The following CNOT7 variants were observed in gnomAD, a reference collection of about 807,000 sequenced individuals.
CNOT7 encodes the protein BTG1-binding factor 1.
CNOT7 carries 4 observed loss-of-function variants against 37.1 expected under a neutral mutation model. That is an observed-to-expected ratio of 0.11 (90% CI 0.05 to 0.25). The LOEUF (loss-of-function observed/expected upper bound fraction) is 0.25, where lower values mean the gene tolerates loss of function less well. Among genes scored for constraint, CNOT7 ranks in the 10% least tolerant of loss-of-function variants. The pLI, the probability that CNOT7 is intolerant of heterozygous loss-of-function variation, is 1.00. For synonymous variants in CNOT7, 128 were observed against 115.6 expected (o/e 1.11, Z -0.69); for missense variants, 170 against 336.2 (o/e 0.51, Z 3.87).
At chr8:17,244,606 AAATG>A (rs1479939123) in intron 2 of CNOT7, 1 of 154,116 alleles carries the variant, frequency 6.5e-6, no homozygotes, top group Non-Finnish European at 1.4e-5. Context: ...CATCCTGGCT[AAATG>A]AATGACTGTT....
At position 17,245,221 on chromosome 8, in the gene CNOT7, A is replaced by T; in HGVS notation, c.-69T>A. Reference sequence around the variant, plus strand: ...ATACTTGATTGAAGATTTGTTTCATAAAATATTTTATCCTTTATTTATGTA... The same window carrying T: ...ATACTTGATTGAAGATTTGTTTCATTAAATATTTTATCCTTTATTTATGTA... On this transcript the variant is annotated 5_prime_UTR_variant, in exon 2 of 7. Transcript: ENST00000361272. The T allele has an allele frequency of 1.4e-6, 2 of 1,479,212 alleles. No individual in the cohort carries two copies. The highest frequency in any genetic ancestry group is 1.8e-6 in the Non-Finnish European group (2 of 1,106,792). 91.6% of individuals were successfully genotyped at this position (1,479,212 alleles called of 1,614,324 possible).
chr8:17,240,777 G>A (rs1810054706), intron 3 of CNOT7, among the ~76,000 whole-genome samples: 1 of 152,176 alleles, frequency 6.6e-6, no homozygotes, highest in Admixed American at 6.5e-5. Flanking sequence ...AAAAGGATAG[G>A]AGGCAATTTT....
chr8:17,236,578 A>G lies in CNOT7; in HGVS notation c.473+634T>C, dbSNP rs377185947. On this transcript the variant is annotated intron_variant, in intron 4 of 6. Transcript: ENST00000361272. Reference sequence around the variant, plus strand: ...GACCATTAAAACAAGTCTTCAAGCTATTTCTTCTAAGGGATGCCTTATCAC... The same window carrying G: ...GACCATTAAAACAAGTCTTCAAGCTGTTTCTTCTAAGGGATGCCTTATCAC... Among the ~76,000 whole-genome samples the G allele has an allele frequency of 7.2e-5, 11 of 152,134 alleles. 1 individual carries two copies. Among genetic ancestry groups the G allele is most frequent in the Admixed American group, 3.9e-4 (6 of 15,270 alleles).
chr8:17,232,743 G>C (rs1808799129), intron 5 of CNOT7, among the ~76,000 whole-genome samples: 2 of 152,054 alleles, frequency 1.3e-5, no homozygotes, highest in South Asian at 4.1e-4. Flanking sequence ...TAGAAAACAA[G>C]ATCCTAATTG....
rs73669040 is a variant in CNOT7, at chr8:17,228,234, C to G, written c.*2486G>C. On this transcript the variant is annotated 3_prime_UTR_variant, in exon 7 of 7. Transcript: ENST00000361272. ...GGGCCATAGTTTGACAACCCTTGCTCTAGTAGATTTAACAGAATATATGAG... is the reference window on the plus strand; with the variant it reads ...GGGCCATAGTTTGACAACCCTTGCTGTAGTAGATTTAACAGAATATATGAG... 89 of 151,966 alleles carry G rather than the reference C, an allele frequency of 5.9e-4. No homozygotes were observed. Among genetic ancestry groups the G allele is most frequent in the African/African-American group, 2.0e-3 (84 of 41,514 alleles). The allele number at this position is 151,966 out of a possible 1,614,324, so 9.4% of individuals were successfully genotyped here.
intron 3 of CNOT7, chr8:17,241,697 T>C (rs1201446567): frequency 6.6e-6 from 1 of 152,174 alleles, no homozygotes; most frequent in African/African-American, 2.4e-5. Context: ...CTCAACGTTA[T>C]CAATAAGTTC....
chr8:17,230,933 T>C (rs1808519468), intron 6 of CNOT7, 85 bp from the exon 7 acceptor site: 1 of 967,360 alleles, frequency 1.0e-6, no homozygotes, highest in African/African-American at 1.7e-5. Context: ...ATGTAAGTAC[T>C]GACTGTTCAC....
At chr8:17,242,908 T>A (rs193198747) in intron 3 of CNOT7, 84 bp downstream of exon 3, 4 of 851,284 alleles carry the variant, frequency 4.7e-6, no homozygotes, top group African/African-American at 1.8e-5. Context: ...TCACCTAGCA[T>A]GTCACCATAC....
At chr8:17,245,769 C>T (rs1233300488) in intron 1 of CNOT7, 1 of 152,066 alleles carries the variant, frequency 6.6e-6, no homozygotes, top group Non-Finnish European at 1.5e-5. Flanking sequence ...AAAGTAACGG[C>T]CATGAAAATT....
chr8:17,229,909 A>T lies in CNOT7; in HGVS notation c.*811T>A, dbSNP rs780832280. 6 of 152,316 alleles carry T rather than the reference A, an allele frequency of 3.9e-5. No homozygotes were observed. Among genetic ancestry groups the T allele is most frequent in the Non-Finnish European group, 7.4e-5 (5 of 67,870 alleles). The allele number at this position is 152,316 out of a possible 1,614,324, so 9.4% of individuals were successfully genotyped here. A position where few individuals can be genotyped will look rare whatever the true frequency, so the allele number is the denominator to read the frequency against. On this transcript the variant is annotated 3_prime_UTR_variant, in exon 7 of 7. Transcript: ENST00000361272. ...ATCAAGGGAAGTGTGCTATCATAAA[A>T]TAACTGTAGCTTCAACATCTTGAGT...
intron 5 of CNOT7, 83 bp from the exon 6 acceptor site, chr8:17,232,620 A>G: frequency 8.5e-7 from 1 of 1,176,272 alleles, no homozygotes; most frequent in Non-Finnish European, 1.2e-6. Context: ...GACGCTGACC[A>G]AAATAAAAAT....
In CNOT7 at chr8:17,246,806, G is replaced by A. The variant is rs1048074368; in HGVS notation, c.-227C>T. On this transcript the variant is annotated 5_prime_UTR_variant, in exon 1 of 7. Transcript: ENST00000361272. ...ATAGACACCTCTCGCCCAGCGAAGG[G>A]AAAGGCGAGCAGGAGCTGCGCCGCA... 3.8e-5 allele frequency: 8 copies of A among 208,484 alleles called. No homozygotes were observed. Among genetic ancestry groups the A allele is most frequent in the Non-Finnish European group, 5.9e-5 (6 of 101,368 alleles). 12.9% of individuals were successfully genotyped at this position (208,484 alleles called of 1,614,324 possible).
At chr8:17,237,739 C>T (rs1585811690) in intron 3 of CNOT7, 2 of 197,244 alleles carry the variant, frequency 1.0e-5, no homozygotes, top group Non-Finnish European at 2.1e-5. Context: ...CTCTCAGTCT[C>T]AGCAGCCACT....
intron 3 of CNOT7, chr8:17,241,438 G>A (rs1306944388): frequency 1.3e-5 from 2 of 152,030 alleles, no homozygotes; most frequent in African/African-American, 4.8e-5. Context: ...GTAATTACAA[G>A]CCACACTACT....
chr8:17,232,283 T>C, intron 6 of CNOT7, 144 bp downstream of exon 6: 1 of 1,504,746 alleles, frequency 6.6e-7, no homozygotes, highest in Non-Finnish European at 8.8e-7. Context: ...TGAATACTTT[T>C]AAGTGTGGTG....
chr8:17,228,036 T>C lies in CNOT7; in HGVS notation c.*2684A>G, dbSNP rs886379665. ...ATAGCAAAAAAGTATCCATAGATAA[T>C]ATGTAAATTAGTGTGGCTGCATTCC... On this transcript the variant is annotated 3_prime_UTR_variant, in exon 7 of 7. Transcript: ENST00000361272. The C allele has an allele frequency of 2.0e-5, 3 of 151,950 alleles. No individual in the cohort carries two copies. The highest frequency in any genetic ancestry group is 2.0e-4 in the Admixed American group (3 of 15,236). The allele number at this position is 151,950 out of a possible 1,614,324, so 9.4% of individuals were successfully genotyped here. A position where few individuals can be genotyped will look rare whatever the true frequency, so the allele number is the denominator to read the frequency against.
In CNOT7 at chr8:17,228,447, C is replaced by T. The variant is rs1808303319; in HGVS notation, c.*2273G>A. 6.6e-6 allele frequency: 1 copy of T among 151,932 alleles called. No homozygotes were observed. Among genetic ancestry groups the T allele is most frequent in the African/African-American group, 2.4e-5 (1 of 41,430 alleles). 9.4% of individuals were successfully genotyped at this position (151,932 alleles called of 1,614,324 possible). A position where few individuals can be genotyped will look rare whatever the true frequency, so the allele number is the denominator to read the frequency against. ...GGTTGCTCAACCTACAATGAGGTTA[C>T]ATCTGAAAAAATACTAAGATGCATT... On this transcript the variant is annotated 3_prime_UTR_variant, in exon 7 of 7. Transcript: ENST00000361272.
rs1214632634 is a variant in CNOT7 at position 17,225,009 on chromosome 8, T to A, written c.*5711A>T. 3 of 151,758 alleles carry A rather than the reference T, an allele frequency of 2.0e-5. No individual in the cohort carries two copies. The highest frequency in any genetic ancestry group is 3.0e-5 in the Non-Finnish European group (2 of 67,704). 9.4% of individuals were successfully genotyped at this position (151,758 alleles called of 1,614,324 possible). Reference sequence around the variant, plus strand: ...TTATTATGCATGGGTTTCGCAGTGATACAAGACACCTGCTCACAACTTACA... The same window carrying A: ...TTATTATGCATGGGTTTCGCAGTGAAACAAGACACCTGCTCACAACTTACA... On this transcript the variant is annotated 3_prime_UTR_variant, in exon 7 of 7. Transcript: ENST00000361272.
At position 17,230,569 on chromosome 8, in the gene CNOT7, G is replaced by A. The variant is rs1270202340; in HGVS notation, c.*151C>T. On this transcript the variant is annotated 3_prime_UTR_variant, in exon 7 of 7. Transcript: ENST00000361272. The stretch of plus-strand genomic sequence containing the variant: ...TTTTATTAAGATCTGAGATAGGAAC[G>A]GTCATACTTAGTACTGAAAGGCAGA... 1.3e-5 allele frequency: 6 copies of A among 470,850 alleles called. No individual in the cohort carries two copies. Among genetic ancestry groups the A allele is most frequent in the African/African-American group, 6.1e-5 (3 of 48,990 alleles). The allele number at this position is 470,850 out of a possible 1,614,324, so 29.2% of individuals were successfully genotyped here. A position where few individuals can be genotyped will look rare whatever the true frequency, so the allele number is the denominator to read the frequency against.
Sources: allele counts gnomAD v4.1 joint callset (sites outside exome capture counted in the v4.1 genomes callset), GRCh38; gene constraint gnomAD v4.1.1; transcripts MANE v1.5; gene names NCBI Gene and HGNC (gene_info 2026-07-23, HGNC 2026-07-21).